LRP1B: variants seen among roughly 807,000 people sequenced by gnomAD.
LRP1B encodes LDL receptor related protein 1B.
A neutral mutation model predicts 556.6 loss-of-function variants in LRP1B; 217 were observed. That is an observed-to-expected ratio of 0.39 (90% confidence interval 0.35 to 0.44). The LOEUF (loss-of-function observed/expected upper bound fraction) is 0.44. Among genes scored for constraint, LRP1B ranks in the 20% least tolerant of loss-of-function variants. LRP1B has a pLI of 1.00. For missense variants in LRP1B, 5,053 were observed against 5,620.8 expected (o/e 0.90, Z 3.23); for synonymous variants, 2,047 against 1,865.8 (o/e 1.10, Z -2.50).
chr2:140,885,124 A>G (rs1693596013), intron 24 of LRP1B, among the ~76,000 whole-genome samples: 1 of 152,202 alleles, frequency 6.6e-6, no homozygotes, highest in Non-Finnish European at 1.5e-5. Context: ...GTGTTTTATG[A>G]AGTAGCTAAC....
At chr2:141,586,758 C>T (rs1236195922) in intron 2 of LRP1B, among the ~76,000 whole-genome samples, 3 of 151,788 alleles carry the variant, frequency 2.0e-5, no homozygotes, top group Non-Finnish European at 4.4e-5. Flanking sequence ...CTGGCTAAGA[C>T]GGTGAAACCC....
intron 59 of LRP1B, among the ~76,000 whole-genome samples, chr2:140,478,240 C>T (rs916597309): frequency 9.3e-5 from 14 of 150,854 alleles, no homozygotes; most frequent in Non-Finnish European, 2.1e-4. Context: ...GCCTCCGCCT[C>T]CCGGGTTCAC....
At position 140,501,894 on chromosome 2, in the gene LRP1B, A is replaced by G; in HGVS notation, c.8663-20T>C. ...ACTGTTCTGGAAAAAAAATAAAACA[A>G]ATGGAACATAAAGGGCATGCCATTG... is the stretch of plus-strand genomic sequence containing the variant. On this transcript the variant is annotated intron_variant, in intron 54 of 90. Transcript: ENST00000389484. 6.4e-7 allele frequency: 1 copy of G among 1,568,246 alleles called. No homozygotes were observed. Among genetic ancestry groups the G allele is most frequent in the African/African-American group, 1.4e-5 (1 of 73,664 alleles).
intron 82 of LRP1B, among the ~76,000 whole-genome samples, chr2:140,319,075 A>C (rs914161839): frequency 2.6e-5 from 4 of 152,114 alleles, no homozygotes; most frequent in African/African-American, 4.8e-5. Context: ...GCTTCATCTC[A>C]GCCCTGTACT....
At chr2:141,209,449 C>G (rs1420754408) in intron 6 of LRP1B, among the ~76,000 whole-genome samples, 1 of 152,170 alleles carries the variant, frequency 6.6e-6, no homozygotes, top group Non-Finnish European at 1.5e-5. Context: ...TCAATTAAAT[C>G]TCTTTCCTTT....
intron 35 of LRP1B, among the ~76,000 whole-genome samples, chr2:140,745,619 T>C (rs1438979252): frequency 2.0e-5 from 3 of 152,150 alleles, no homozygotes; most frequent in African/African-American, 7.2e-5. Context: ...CCTCTCTTTC[T>C]TTCCCTCCTG....
chr2:141,135,973 C>A (rs79040973), intron 7 of LRP1B, among the ~76,000 whole-genome samples: 4,180 of 151,880 alleles, frequency 0.028, 78 homozygotes, highest in East Asian at 0.063. Context: ...ATTATGTTTG[C>A]ATGATTCAAT....
chr2:140,632,834 C>T lies in LRP1B; in HGVS notation c.6800-31195G>A, dbSNP rs562507204. Among the ~76,000 whole-genome samples the T allele has an allele frequency of 2.2e-4, 33 of 152,130 alleles. No homozygotes were observed. The East Asian group carries it at 4.1e-3, about 19-fold the overall frequency. ...TCCCAGCACTTTTGGGAGGCTGAGG[C>T]GCGTGGGTCACGAGGTCAGGAGATC... On this transcript the variant is annotated intron_variant, in intron 41 of 90. Transcript: ENST00000389484.
intron 1 of LRP1B, among the ~76,000 whole-genome samples, chr2:141,950,681 T>C (rs1701082515): frequency 6.6e-6 from 1 of 152,160 alleles, no homozygotes; most frequent in African/African-American, 2.4e-5. Context: ...TCATCCTTCT[T>C]CTATCATGGC....
intron 3 of LRP1B, among the ~76,000 whole-genome samples, chr2:141,379,214 T>C (rs1689547428): frequency 6.6e-6 from 1 of 152,162 alleles, no homozygotes; most frequent in Admixed American, 6.6e-5. Flanking sequence ...GCATAACTAT[T>C]TTAAAGTGCT....
chr2:141,844,852 C>T (rs1438950107), intron 1 of LRP1B, among the ~76,000 whole-genome samples: 1 of 151,694 alleles, frequency 6.6e-6, no homozygotes, highest in African/African-American at 2.4e-5. Context: ...ATTCCCAAAA[C>T]AGCATTGTCT....
At chr2:141,837,759 A>C (rs1247177054) in intron 1 of LRP1B, among the ~76,000 whole-genome samples, 1 of 152,124 alleles carries the variant, frequency 6.6e-6, no homozygotes, top group Non-Finnish European at 1.5e-5. Flanking sequence ...AATGAATGGA[A>C]ATAAAGGACT....
At chr2:142,107,556 A>G (rs1484575225) in intron 1 of LRP1B, among the ~76,000 whole-genome samples, 2 of 152,102 alleles carry the variant, frequency 1.3e-5, no homozygotes, top group African/African-American at 2.4e-5. Context: ...TTGTTTCAAC[A>G]CCATAAAATG....
chr2:141,535,834 ATATTT>A (rs1685052707), intron 2 of LRP1B, among the ~76,000 whole-genome samples: 1 of 152,116 alleles, frequency 6.6e-6, no homozygotes, highest in Non-Finnish European at 1.5e-5. Flanking sequence ...CATTTGGATG[ATATTT>A]AAGAAACCCC....
At chr2:141,141,812 G>C (rs1553466031) in intron 7 of LRP1B, among the ~76,000 whole-genome samples, 1 of 152,048 alleles carries the variant, frequency 6.6e-6, no homozygotes, top group Non-Finnish European at 1.5e-5. Flanking sequence ...TTCCAATAAT[G>C]AGAAGAAGAA....
intron 1 of LRP1B, among the ~76,000 whole-genome samples, chr2:142,000,449 C>A (rs1359707665): frequency 6.6e-6 from 1 of 152,142 alleles, no homozygotes; most frequent in African/African-American, 2.4e-5. Context: ...GTGGTGATTA[C>A]TGTTAACATT....
chr2:141,251,782 A>G (rs407040), intron 4 of LRP1B, among the ~76,000 whole-genome samples: 32,761 of 152,108 alleles, frequency 0.22, 3,621 homozygotes, highest in South Asian at 0.25. Flanking sequence ...GATGGCACCC[A>G]GAAAATAAAG....
intron 7 of LRP1B, among the ~76,000 whole-genome samples, chr2:141,120,442 A>C (rs964162663): frequency 5.9e-5 from 9 of 151,888 alleles, no homozygotes; most frequent in African/African-American, 1.9e-4. Flanking sequence ...AAGAATACAA[A>C]ATTGACAATA....
intron 2 of LRP1B, among the ~76,000 whole-genome samples, chr2:141,504,780 A>C (rs1683860684): frequency 6.6e-6 from 1 of 152,166 alleles, no homozygotes; most frequent in Non-Finnish European, 1.5e-5. Context: ...TGGCTAAATT[A>C]AAATTCATAT....
Sources: allele counts gnomAD v4.1 joint callset (sites outside exome capture counted in the v4.1 genomes callset), GRCh38; gene constraint gnomAD v4.1.1; transcripts MANE v1.5; gene names NCBI Gene and HGNC (gene_info 2026-07-23, HGNC 2026-07-21).